Variants in FGGY observed in about 807,000 individuals in gnomAD.
The protein encoded by FGGY is FGGY carbohydrate kinase domain containing, also known as FGGY carbohydrate kinase domain-containing protein.
A neutral mutation model predicts 71.3 loss-of-function variants in FGGY; 72 were observed. The observed-to-expected ratio is 1.01, with a 90% CI of 0.84 to 1.23. FGGY has a LOEUF of 1.23. Ranked by LOEUF, FGGY falls within the 50% of genes most tolerant of loss-of-function variation. The pLI is 0.00. For missense variants in FGGY, 668 were observed against 682.3 expected (o/e 0.98, Z 0.23); for synonymous variants, 251 against 250.3 (o/e 1.00, Z -0.02).
chr1:59,709,230 G>A (rs889968480), intron 14 of FGGY, among the ~76,000 whole-genome samples: 11 of 152,202 alleles, frequency 7.2e-5, no homozygotes, highest in Admixed American at 2.0e-4. Flanking sequence ...TACAATCATG[G>A]TGGAAGGTAA....
intron 7 of FGGY, among the ~76,000 whole-genome samples, chr1:59,550,513 T>A (rs1228719094): frequency 1.3e-5 from 2 of 152,158 alleles, no homozygotes; most frequent in African/African-American, 2.4e-5. Context: ...ATGAGGCCAG[T>A]CCTGCCCAAT....
At chr1:59,426,853 A>G (rs994605805) in intron 5 of FGGY, among the ~76,000 whole-genome samples, 1 of 143,450 alleles carries the variant, frequency 7.0e-6, no homozygotes, top group Admixed American at 6.9e-5. Context: ...GATGAGATTA[A>G]CACTGAAAAA....
At chr1:59,734,688 C>G (rs1387702754) in intron 14 of FGGY, among the ~76,000 whole-genome samples, 1 of 152,254 alleles carries the variant, frequency 6.6e-6, no homozygotes, top group Non-Finnish European at 1.5e-5. Context: ...AGACCCTCCT[C>G]TCCCCTCTCA....
At chr1:59,555,625 T>G (rs2095672525) in intron 8 of FGGY, among the ~76,000 whole-genome samples, 1 of 152,216 alleles carries the variant, frequency 6.6e-6, no homozygotes, top group African/African-American at 2.4e-5. Context: ...AGGTGACATT[T>G]GTGCTGGACT....
intron 1 of FGGY, among the ~76,000 whole-genome samples, chr1:59,317,212 A>C (rs566025298): frequency 9.9e-5 from 15 of 152,284 alleles, no homozygotes; most frequent in Admixed American, 7.2e-4. Context: ...TGTTGTTCTT[A>C]TTGAAGAAGT....
chr1:59,503,101 A>G (rs1004325567), intron 6 of FGGY, among the ~76,000 whole-genome samples: 15 of 152,214 alleles, frequency 9.9e-5, no homozygotes, highest in African/African-American at 3.1e-4. Context: ...ACCATGTCCC[A>G]TTACATAGTG....
intron 9 of FGGY, among the ~76,000 whole-genome samples, chr1:59,619,599 A>T (rs894445108): frequency 6.6e-6 from 1 of 152,084 alleles, no homozygotes; most frequent in African/African-American, 2.4e-5. Flanking sequence ...GGGAATAGCA[A>T]CAAGGTCACA....
At chr1:59,571,217 A>G (rs1264228473) in intron 8 of FGGY, among the ~76,000 whole-genome samples, 1 of 152,250 alleles carries the variant, frequency 6.6e-6, no homozygotes, top group Non-Finnish European at 1.5e-5. Context: ...TTTTGAAATA[A>G]GGAAAATGTA....
intron 14 of FGGY, among the ~76,000 whole-genome samples, chr1:59,731,709 A>G (rs2100943198): frequency 6.6e-6 from 1 of 152,260 alleles, no homozygotes; most frequent in East Asian, 1.9e-4. Flanking sequence ...TTCCTCCAGC[A>G]TACCTTGTGA....
At position 59,322,441 on chromosome 1, in the gene FGGY, C is replaced by A. The variant is rs548834349; in HGVS notation, c.201+691C>A. Among the ~76,000 whole-genome samples, 3 of 152,154 alleles carry A rather than the reference C, an allele frequency of 2.0e-5. No individual in the cohort carries two copies. The East Asian group carries it at 5.8e-4, about 29-fold the overall frequency. Reference sequence around the variant, plus strand: ...ATGTGTAGTCTTTTATTCCTCACCACCCCCCAGCGCTTTCCTCCGAGTTCC... The same window carrying A: ...ATGTGTAGTCTTTTATTCCTCACCAACCCCCAGCGCTTTCCTCCGAGTTCC... On this transcript the variant is annotated intron_variant, in intron 2 of 15. Coordinates refer to ENST00000303721, the MANE Select transcript of FGGY (RefSeq NM_018291.5).
chr1:59,467,095 C>A (rs966268648), intron 6 of FGGY, among the ~76,000 whole-genome samples: 2 of 152,094 alleles, frequency 1.3e-5, no homozygotes, highest in Non-Finnish European at 2.9e-5. Context: ...AGACTTGGAA[C>A]CAAGTCGAAT....
At chr1:59,627,488 A>G (rs1189543495) in intron 10 of FGGY, among the ~76,000 whole-genome samples, 1 of 118,384 alleles carries the variant, frequency 8.4e-6, no homozygotes, top group Non-Finnish European at 1.6e-5. Flanking sequence ...ATATATATAT[A>G]TACACACACA....
intron 7 of FGGY, among the ~76,000 whole-genome samples, chr1:59,525,277 G>A (rs369190726): frequency 8.5e-5 from 13 of 152,306 alleles, no homozygotes; most frequent in African/African-American, 3.1e-4. Flanking sequence ...GTCACCCTTG[G>A]TAGGTGTGGG....
At chr1:59,514,375 C>T (rs924236234) in intron 7 of FGGY, among the ~76,000 whole-genome samples, 7 of 152,330 alleles carry the variant, frequency 4.6e-5, no homozygotes, top group African/African-American at 9.6e-5. Flanking sequence ...CCCTCAGGGA[C>T]GTGCCAAAAC....
At chr1:59,526,002 T>C (rs2094966964) in intron 7 of FGGY, among the ~76,000 whole-genome samples, 1 of 152,222 alleles carries the variant, frequency 6.6e-6, no homozygotes, top group African/African-American at 2.4e-5. Context: ...TGTGTGTATG[T>C]GTATATACTG....
intron 6 of FGGY, among the ~76,000 whole-genome samples, chr1:59,490,810 T>C (rs888151720): frequency 3.3e-5 from 5 of 152,030 alleles, no homozygotes; most frequent in African/African-American, 1.2e-4. Context: ...CTGTTGGTGC[T>C]TTTTTCAAAA....
intron 5 of FGGY, among the ~76,000 whole-genome samples, chr1:59,393,454 C>T (rs1028779104): frequency 2.9e-4 from 44 of 152,078 alleles, no homozygotes; most frequent in Admixed American, 1.7e-3. Context: ...AAAGGCTGCC[C>T]GATAAGCAAG....
chr1:59,596,506 C>G lies in FGGY; in HGVS notation c.904-11297C>G, dbSNP rs1423926167. Among the ~76,000 whole-genome samples the G allele has an allele frequency of 2.0e-5, 3 of 149,710 alleles. No individual in the cohort carries two copies. In the East Asian group the frequency reaches 5.9e-4, roughly 29 times the overall value. On this transcript the variant is annotated intron_variant, in intron 8 of 15. Coordinates refer to ENST00000303721, the MANE Select transcript of FGGY (RefSeq NM_018291.5). ...TTAGGAAGGATATGGACTTGTGAGT[C>G]AGATTTGGGTCTAAGTCTTGGTTCT...
At chr1:59,603,002 C>A (rs1571964990) in intron 8 of FGGY, among the ~76,000 whole-genome samples, 1 of 152,084 alleles carries the variant, frequency 6.6e-6, no homozygotes, top group African/African-American at 2.4e-5. Context: ...CAGTATGCAA[C>A]CAAAGTTTTT....
Sources: allele counts gnomAD v4.1 joint callset (sites outside exome capture counted in the v4.1 genomes callset), GRCh38; gene constraint gnomAD v4.1.1; transcripts MANE v1.5; gene names NCBI Gene and HGNC (gene_info 2026-07-23, HGNC 2026-07-21).